The following RNF14 variants were observed in gnomAD, a reference collection of about 807,000 sequenced individuals.
RNF14 encodes the protein ring finger protein 14, also known as E3 ubiquitin-protein ligase RNF14.
In RNF14, 26 loss-of-function variants were observed where a neutral mutation model predicts 52.6. That is an observed-to-expected ratio of 0.49 (90% confidence interval 0.36 to 0.69). The LOEUF (loss-of-function observed/expected upper bound fraction) is 0.69, where lower values mean the gene tolerates loss of function less well. Ranked by LOEUF, RNF14 falls within the 30% of genes least tolerant of loss-of-function variation. The pLI is 0.00. For synonymous variants in RNF14, 194 were observed against 202.0 expected, an observed-to-expected ratio of 0.96 and a Z score of 0.34; for missense variants, 404 against 560.4, an observed-to-expected ratio of 0.72 and a Z score of 2.82.
chr5:141,976,958 T>A (rs558974538), intron 4 of RNF14, among the ~76,000 whole-genome samples: 2 of 152,120 alleles, frequency 1.3e-5, no homozygotes, highest in African/African-American at 4.8e-5. Flanking sequence ...CTGGCTAATT[T>A]TTTGTATTTT....
At chr5:141,973,775 AT>A in intron 3 of RNF14, 33 bp downstream of exon 3, 1 of 1,531,508 alleles carries the variant, frequency 6.5e-7, no homozygotes, top group Non-Finnish European at 8.8e-7. Context: ...AGATTTTTCT[AT>A]TATTCTTTAT....
At chr5:141,951,354 G>T in the RNF14 span, 1 of 655,460 alleles carries the variant, frequency 1.5e-6, no homozygotes. Context: ...CAGGGTGGGA[G>T]GATGGATGCT....
chr5:141,976,360 G>C (rs2127003686), intron 4 of RNF14, among the ~76,000 whole-genome samples: 1 of 152,330 alleles, frequency 6.6e-6, no homozygotes, highest in South Asian at 2.1e-4. Context: ...AGATTAACTG[G>C]ATGCGTGGTT....
upstream of RNF14, among the ~76,000 whole-genome samples, chr5:141,954,131 G>T (rs1596645694): frequency 6.6e-6 from 1 of 152,112 alleles, no homozygotes; most frequent in African/African-American, 2.4e-5. Context: ...GGAAAATGAG[G>T]CTCAGATGTT....
chr5:141,987,269 G>A (rs1755322146), intron 8 of RNF14, among the ~76,000 whole-genome samples: 1 of 152,214 alleles, frequency 6.6e-6, no homozygotes. Flanking sequence ...CCTTGGCCAG[G>A]AGAGGGTCTG....
intron 2 of RNF14, among the ~76,000 whole-genome samples, chr5:141,971,400 C>T (rs569680395): frequency 5.3e-5 from 8 of 152,110 alleles, no homozygotes; most frequent in Admixed American, 2.0e-4. Flanking sequence ...CACCACCACA[C>T]CTGGCTAATT....
upstream of RNF14, chr5:141,955,253 C>T (rs746450107): frequency 3.7e-6 from 6 of 1,614,182 alleles, no homozygotes; most frequent in East Asian, 4.5e-5. The surrounding 1 kb of genome is among the most constrained non-coding windows in gnomAD (Gnocchi z 5.5). Context: ...GGCTGGGGCT[C>T]GGGAAGGTTC....
chr5:141,952,056 C>A, the RNF14 span, among the ~76,000 whole-genome samples: 1 of 152,200 alleles, frequency 6.6e-6, no homozygotes, highest in Non-Finnish European at 1.5e-5. Flanking sequence ...TTGAATTATT[C>A]ATTTATTCAT....
chr5:141,974,655 G>C (rs187542), intron 3 of RNF14, 149 bp from the exon 4 acceptor site: 518,337 of 666,078 alleles, frequency 0.78, 203,117 homozygotes, highest in East Asian at 0.99. Context: ...TGGTGGCTAC[G>C]AAGTTAAAAT....
Position 141,974,825 on chromosome 5 carries a change from A to AG in RNF14, c.177dup (p.Asn60GlufsTer2). 6.2e-7 allele frequency: 1 copy of AG among 1,614,038 alleles called. No individual in the cohort carries two copies. Among genetic ancestry groups the AG allele is most frequent in the Non-Finnish European group, 8.5e-7 (1 of 1,179,924 alleles). On this transcript the variant is annotated frameshift_variant, in exon 4 of 9. Coordinates refer to ENST00000394520, the MANE Select transcript of RNF14 (RefSeq NM_004290.5). LOFTEE classifies it high-confidence loss of function. ...TCAGGCAATTCAAATGAGTGTCTCCAGAATAGTGGCTTTGAATACACCATT... is the reference window on the plus strand; with the variant it reads ...TCAGGCAATTCAAATGAGTGTCTCCAGGAATAGTGGCTTTGAATACACCATT...
At chr5:141,957,310 G>A (rs966290361), upstream of RNF14, 1 of 1,613,394 alleles carries the variant, frequency 6.2e-7, no homozygotes, top group Non-Finnish European at 8.5e-7. The surrounding 1 kb of genome is among the most constrained non-coding windows in gnomAD (Gnocchi z 4.3). Context: ...GACATCCAAG[G>A]CAAAGTGCTC....
intron 3 of RNF14, among the ~76,000 whole-genome samples, chr5:141,974,576 G>A (rs1219018658): frequency 1.3e-5 from 2 of 152,172 alleles, no homozygotes; most frequent in African/African-American, 4.8e-5. Context: ...AGAATAAGTT[G>A]TAGTATTTTC....
upstream of RNF14, chr5:141,956,782 G>A (rs781085245): frequency 1.9e-6 from 3 of 1,614,228 alleles, no homozygotes; most frequent in Middle Eastern, 1.7e-4. Context: ...TGGCTGGGAG[G>A]CCCATGTGAC....
At chr5:141,982,368 G>A (rs887133375) in intron 6 of RNF14, among the ~76,000 whole-genome samples, 4 of 152,160 alleles carry the variant, frequency 2.6e-5, no homozygotes, top group Non-Finnish European at 5.9e-5. Context: ...CTGTGGGAAT[G>A]TACTACACAG....
intron 7 of RNF14, among the ~76,000 whole-genome samples, chr5:141,984,136 T>G (rs1031761237): frequency 6.6e-6 from 1 of 151,568 alleles, no homozygotes. Context: ...GAGTCTCTCT[T>G]GCCCAGGCTG....
At chr5:141,960,259 G>A (rs942243476) in intron 1 of RNF14, among the ~76,000 whole-genome samples, 16 of 152,316 alleles carry the variant, frequency 1.1e-4, no homozygotes, top group South Asian at 1.0e-3. Context: ...GCTGACAGTC[G>A]CAGGTGGGGG....
At chr5:141,950,318 C>T in the RNF14 span, among the ~76,000 whole-genome samples, 7 of 152,260 alleles carry the variant, frequency 4.6e-5, no homozygotes, top group South Asian at 6.2e-4. Flanking sequence ...GGTTTTAAGG[C>T]GTAGGAGTCC....
upstream of RNF14, chr5:141,956,327 C>T: frequency 6.2e-7 from 1 of 1,614,200 alleles, no homozygotes; most frequent in Non-Finnish European, 8.5e-7. Flanking sequence ...GAGTCAATAG[C>T]TACTAAGTGA....
upstream of RNF14, among the ~76,000 whole-genome samples, chr5:141,968,463 A>C (rs969855901): frequency 2.0e-5 from 3 of 152,012 alleles, no homozygotes; most frequent in African/African-American, 7.2e-5. Context: ...TATTTAGTTA[A>C]TTTTTGCATA....
Sources: allele counts gnomAD v4.1 joint callset (sites outside exome capture counted in the v4.1 genomes callset), GRCh38; gene constraint gnomAD v4.1.1; non-coding constraint Gnocchi (gnomAD v3.1); transcripts MANE v1.5; gene names NCBI Gene and HGNC (gene_info 2026-07-23, HGNC 2026-07-21).